Variants in PKN2 observed in about 807,000 individuals in gnomAD.
PKN2 encodes serine/threonine-protein kinase N2.
A neutral mutation model predicts 119.1 loss-of-function variants in PKN2; 38 were observed. The observed-to-expected ratio is 0.32, with a 90% CI of 0.25 to 0.42. The LOEUF is 0.42. Among genes scored for constraint, PKN2 ranks in the 10% least tolerant of loss-of-function variants. PKN2 has a pLI of 1.00. For missense variants in PKN2, 850 were observed against 1,165.1 expected (o/e 0.73, Z 3.94); for synonymous variants, 390 against 384.9 (o/e 1.01, Z -0.15).
chr1:88,711,783 A>C (rs1300298321), intron 1 of PKN2, among the ~76,000 whole-genome samples: 1 of 152,188 alleles, frequency 6.6e-6, no homozygotes, highest in African/African-American at 2.4e-5. Flanking sequence ...GGAGGGATAA[A>C]ATGATGCTTG....
At chr1:88,789,662 CATAATA>C (rs10573546) in intron 8 of PKN2, among the ~76,000 whole-genome samples, 54 of 146,364 alleles carry the variant, frequency 3.7e-4, no homozygotes, top group Non-Finnish European at 4.8e-4. Flanking sequence ...GACTCTATCT[CATAATA>C]ATAATAATAA....
At chr1:88,740,301 A>G (rs1570560514) in intron 1 of PKN2, among the ~76,000 whole-genome samples, 1 of 152,212 alleles carries the variant, frequency 6.6e-6, no homozygotes, top group East Asian at 1.9e-4. Flanking sequence ...GTGGTCATAA[A>G]GGTATCTATT....
At chr1:88,720,678 C>CA (rs1053102158) in intron 1 of PKN2, among the ~76,000 whole-genome samples, 1 of 151,974 alleles carries the variant, frequency 6.6e-6, no homozygotes, top group Non-Finnish European at 1.5e-5. Flanking sequence ...TGTTTGGTTA[C>CA]ATGGATAAGT....
chr1:88,769,588 GATGTATATATAT>G (rs1237689427), intron 3 of PKN2, among the ~76,000 whole-genome samples: 1 of 152,068 alleles, frequency 6.6e-6, no homozygotes, highest in Non-Finnish European at 1.5e-5. Flanking sequence ...TGGATTGTGC[GATGTATATATAT>G]ATGTATATAC....
intron 1 of PKN2, among the ~76,000 whole-genome samples, chr1:88,732,107 T>C (rs1668164808): frequency 6.6e-6 from 1 of 152,238 alleles, no homozygotes; most frequent in Non-Finnish European, 1.5e-5. Flanking sequence ...TAGAATTGTG[T>C]TGAATGAAAG....
chr1:88,718,285 G>T (rs1319481189), intron 1 of PKN2, among the ~76,000 whole-genome samples: 1 of 152,186 alleles, frequency 6.6e-6, no homozygotes, highest in Non-Finnish European at 1.5e-5. Context: ...GGACCCACTT[G>T]AGGAGGCAGT....
Position 88,778,739 on chromosome 1 carries a change from A to G in PKN2, c.986-5900A>G, listed in dbSNP as rs185695516. Among the ~76,000 whole-genome samples the G allele has an allele frequency of 8.0e-5, 12 of 150,568 alleles. 1 individual carries two copies. The highest frequency in any genetic ancestry group is 6.8e-3 in the Middle Eastern group (2 of 292). On this transcript the variant is annotated intron_variant, in intron 6 of 21. Transcript: ENST00000370521. Reference sequence around the variant, plus strand: ...TTTTCTTTTTTTTTTTTCGAGACAGAGTCTCGCTCTGTTGCCCAGGCTGGA... The same window carrying G: ...TTTTCTTTTTTTTTTTTCGAGACAGGGTCTCGCTCTGTTGCCCAGGCTGGA...
rs764063147 is a variant in PKN2 at position 88,833,473 on chromosome 1, C to A, written c.*25C>A. ...AGTTGCTAGACACTGCGAAACCAAGCTGACTCACAAGAAGACCTCTTAAAA... is the reference window on the plus strand; with the variant it reads ...AGTTGCTAGACACTGCGAAACCAAGATGACTCACAAGAAGACCTCTTAAAA... On this transcript the variant is annotated 3_prime_UTR_variant, in exon 22 of 22. Transcript: ENST00000370521. 7 of 1,586,868 alleles carry A rather than the reference C, an allele frequency of 4.4e-6. No homozygotes were observed. Among genetic ancestry groups the A allele is most frequent in the South Asian group, 1.1e-5 (1 of 90,390 alleles).
At chr1:88,726,240 C>T (rs1220443615) in intron 1 of PKN2, among the ~76,000 whole-genome samples, 2 of 152,134 alleles carry the variant, frequency 1.3e-5, no homozygotes, top group African/African-American at 4.8e-5. Context: ...TGAGAGCAGA[C>T]ATCCTTGTCC....
At chr1:88,794,340 C>T (rs1319745806) in intron 8 of PKN2, among the ~76,000 whole-genome samples, 5 of 149,446 alleles carry the variant, frequency 3.3e-5, no homozygotes, top group African/African-American at 1.3e-4. Flanking sequence ...GCACTCCAGC[C>T]TGGGCAACAA....
At chr1:88,771,388 A>G (rs1325782862) in intron 4 of PKN2, 33 bp from the exon 5 acceptor site, 2 of 1,545,786 alleles carry the variant, frequency 1.3e-6, no homozygotes, top group African/African-American at 1.4e-5. Context: ...AGTCAGATAA[A>G]TGGTGCAATT....
intron 1 of PKN2, among the ~76,000 whole-genome samples, chr1:88,704,250 G>T (rs1008066411): frequency 6.6e-6 from 1 of 152,144 alleles, no homozygotes; most frequent in Non-Finnish European, 1.5e-5. Context: ...GTACTTTGGA[G>T]GTGGGGGGCA....
intron 8 of PKN2, 28 bp from the exon 9 acceptor site, chr1:88,804,363 T>C: frequency 1.9e-6 from 3 of 1,542,270 alleles, no homozygotes; most frequent in Non-Finnish European, 1.8e-6. Context: ...TTTTCTGTTT[T>C]CTTTATTATT....
At chr1:88,831,921 C>T (rs749000848) in intron 19 of PKN2, among the ~76,000 whole-genome samples, 1 of 151,894 alleles carries the variant, frequency 6.6e-6, no homozygotes, top group South Asian at 2.1e-4. Flanking sequence ...TTGATAGACA[C>T]GTTTTTAGCA....
Position 88,805,658 on chromosome 1 carries a change from G to A in PKN2, c.1663G>A (p.Ala555Thr). The A allele has an allele frequency of 6.2e-7, 1 of 1,613,856 alleles. No individual in the cohort carries two copies. Among genetic ancestry groups the A allele is most frequent in the South Asian group, 1.1e-5 (1 of 91,068 alleles). ...PVVDVRIPQL[A>T]PPASDSTVTK... ...GGTTGATGTACGCATCCCTCAACTA[G>A]CACCTCCAGCTAGGTATGTGTCTGA... Residue 555 changes from alanine (A) to threonine (T), a missense_variant, in exon 11 of 22, where the codon GCA becomes ACA. Coordinates refer to ENST00000370521, the MANE Select transcript of PKN2 (RefSeq NM_006256.4).
intron 8 of PKN2, among the ~76,000 whole-genome samples, chr1:88,797,733 A>G (rs1446501970): frequency 1.3e-5 from 2 of 151,860 alleles, no homozygotes; most frequent in African/African-American, 2.4e-5. Context: ...CTCACTTGTT[A>G]TTAGGAAATC....
chr1:88,811,236 T>C (rs1474311878), intron 15 of PKN2, among the ~76,000 whole-genome samples: 1 of 152,144 alleles, frequency 6.6e-6, no homozygotes, highest in African/African-American at 2.4e-5. Flanking sequence ...CACAACAGAA[T>C]AGGGTTGGAA....
intron 1 of PKN2, among the ~76,000 whole-genome samples, chr1:88,713,775 C>T (rs914375444): frequency 6.6e-6 from 1 of 152,046 alleles, no homozygotes. Context: ...AGAAGCTCTT[C>T]AGTTTAATTA....
At chr1:88,781,170 A>G in intron 6 of PKN2, 1 of 1,278,464 alleles carries the variant, frequency 7.8e-7, no homozygotes, top group Non-Finnish European at 1.0e-6. Flanking sequence ...TAGTAAGAGC[A>G]TTTGCTGTTC....
Sources: allele counts gnomAD v4.1 joint callset (sites outside exome capture counted in the v4.1 genomes callset), GRCh38; gene constraint gnomAD v4.1.1; transcripts MANE v1.5; gene names NCBI Gene and HGNC (gene_info 2026-07-23, HGNC 2026-07-21).